Variants in SUSD1 observed in about 807,000 individuals in gnomAD.
The protein encoded by SUSD1 is sushi domain containing 1.
SUSD1 carries 65 observed loss-of-function variants against 86.9 expected under a neutral mutation model. The ratio of observed to expected loss-of-function variants is 0.75; its 90% CI spans 0.61 to 0.92. The LOEUF (loss-of-function observed/expected upper bound fraction) is 0.92. Ranked by LOEUF, SUSD1 falls within the 40% of genes least tolerant of loss-of-function variation. The pLI, the probability that SUSD1 is intolerant of heterozygous loss-of-function variation, is 0.00. For synonymous variants in SUSD1, 346 were observed against 350.0 expected (o/e 0.99, Z 0.13); for missense variants, 850 against 929.7 (o/e 0.91, Z 1.11).
chr9:112,096,922 C>A (rs2131602452), intron 10 of SUSD1, among the ~76,000 whole-genome samples: 1 of 152,242 alleles, frequency 6.6e-6, no homozygotes, highest in Non-Finnish European at 1.5e-5. Context: ...TACTATGCAG[C>A]TGAAAATGTG....
At position 112,097,347 on chromosome 9, in the gene SUSD1, G is replaced by C. The variant is rs1830439297; in HGVS notation, c.1474+1123C>G. On this transcript the variant is annotated intron_variant, in intron 10 of 16. Transcript: ENST00000374270. ...CTCAAAAAAAAAAAATTAATTTTCA[G>C]CCTCAGGTGCTACGTGGCTCTCATG... Among the ~76,000 whole-genome samples the C allele has an allele frequency of 4.0e-5, 6 of 149,778 alleles. No homozygotes were observed. The South Asian group carries it at 1.3e-3, about 31-fold the overall frequency.
chr9:112,104,055 T>C (rs1438417351), intron 8 of SUSD1, among the ~76,000 whole-genome samples: 1 of 152,030 alleles, frequency 6.6e-6, no homozygotes, highest in Non-Finnish European at 1.5e-5. Flanking sequence ...CTCTCTCTTT[T>C]TTTAAACAGG....
intron 10 of SUSD1, among the ~76,000 whole-genome samples, chr9:112,089,309 A>T (rs1564284501): frequency 6.6e-6 from 1 of 152,242 alleles, no homozygotes; most frequent in South Asian, 2.1e-4. Flanking sequence ...AACACAATAC[A>T]TATAGCAGTT....
rs1260513411 is a variant in SUSD1, at chr9:112,113,615, G to T, written c.887-747C>A. On this transcript the variant is annotated intron_variant, in intron 6 of 16. Coordinates refer to ENST00000374270, the MANE Select transcript of SUSD1 (RefSeq NM_022486.5). This position sits in a 1 kb window ranked among gnomAD's most constrained non-coding sequence, Gnocchi z 4.1. ...TGTGCAGACAGGAAGAACGAAAGGG[G>T]ATCTAGCTTTTTATTTCTTTGAAAT... is the stretch of plus-strand genomic sequence containing the variant. Among the ~76,000 whole-genome samples the T allele has an allele frequency of 1.3e-5, 2 of 152,170 alleles. No individual in the cohort carries two copies. Among genetic ancestry groups the T allele is most frequent in the African/African-American group, 4.8e-5 (2 of 41,442 alleles).
chr9:112,102,903 T>C (rs1199551438), intron 8 of SUSD1, among the ~76,000 whole-genome samples: 1 of 152,216 alleles, frequency 6.6e-6, no homozygotes, highest in African/African-American at 2.4e-5. Context: ...CAGAAAAAAG[T>C]CATTTCATAC....
At chr9:112,146,495 A>G (rs1430673105) in intron 3 of SUSD1, among the ~76,000 whole-genome samples, 1 of 152,200 alleles carries the variant, frequency 6.6e-6, no homozygotes, top group Non-Finnish European at 1.5e-5. Context: ...ATTTAGTTCC[A>G]GGCAGATTAG....
intron 12 of SUSD1, among the ~76,000 whole-genome samples, chr9:112,069,416 C>G (rs951026098): frequency 6.6e-6 from 1 of 151,516 alleles, no homozygotes; most frequent in Non-Finnish European, 1.5e-5. Flanking sequence ...GAGAGAGATT[C>G]TGTAGGATAC....
At chr9:112,087,293 T>TGCCTCA (rs531170515) in intron 10 of SUSD1, among the ~76,000 whole-genome samples, 1 of 152,304 alleles carries the variant, frequency 6.6e-6, no homozygotes, top group East Asian at 1.9e-4. Flanking sequence ...GTGACTCTTC[T>TGCCTCA]GCCTCAGCCT....
Position 112,111,811 on chromosome 9 carries a change from A to C in SUSD1, c.1014T>G (p.Pro338=), listed in dbSNP as rs1259107193. The change falls in exon 8 of 17, where the codon CCT becomes CCG. Residue 338 remains proline (P), a synonymous_variant. Coordinates refer to ENST00000374270, the MANE Select transcript of SUSD1 (RefSeq NM_022486.5). The stretch of plus-strand genomic sequence containing the variant: ...CTGTCTCCTCACGAACTGATTCCAT[A>C]GGGTCCAACCGTTGTCCTTTTATGG... ...VISIKGQRLD[P]MESVREETVN... The C allele has an allele frequency of 1.9e-6, 3 of 1,614,118 alleles. No homozygotes were observed. The highest frequency in any genetic ancestry group is 2.5e-6 in the Non-Finnish European group (3 of 1,180,004).
intron 12 of SUSD1, among the ~76,000 whole-genome samples, chr9:112,072,850 T>C (rs1267811804): frequency 3.3e-5 from 5 of 152,220 alleles, no homozygotes; most frequent in Non-Finnish European, 7.3e-5. Context: ...GGAAAACAGC[T>C]GGCATGAAGG....
intron 1 of SUSD1, among the ~76,000 whole-genome samples, chr9:112,173,006 T>A (rs1292696630): frequency 1.3e-5 from 2 of 152,230 alleles, no homozygotes; most frequent in African/African-American, 4.8e-5. Context: ...AAACCTTTAG[T>A]TACAGATGAC....
intron 10 of SUSD1, among the ~76,000 whole-genome samples, chr9:112,097,199 G>A (rs1372067170): frequency 4.0e-5 from 6 of 151,438 alleles, no homozygotes; most frequent in South Asian, 4.2e-4. Context: ...GGTGGTATGC[G>A]CCTGTAGTCC....
intron 6 of SUSD1, among the ~76,000 whole-genome samples, chr9:112,117,301 A>T (rs1197273987): frequency 6.6e-6 from 1 of 152,134 alleles, no homozygotes; most frequent in Non-Finnish European, 1.5e-5. Flanking sequence ...TTCTCCCCTC[A>T]TGGAGTGCCC....
At chr9:112,110,496 C>T (rs1262888052) in intron 8 of SUSD1, among the ~76,000 whole-genome samples, 1 of 143,176 alleles carries the variant, frequency 7.0e-6, no homozygotes, top group East Asian at 2.0e-4. Flanking sequence ...AAGTGATCCT[C>T]TCGCCTCAGC....
intron 2 of SUSD1, among the ~76,000 whole-genome samples, chr9:112,151,725 A>ACAAGGCCAACAAGGTGACC (rs1833054119): frequency 6.6e-6 from 1 of 151,722 alleles, no homozygotes; most frequent in Non-Finnish European, 1.5e-5. Context: ...AACAAGGTGA[A>ACAAGGCCAACAAGGTGACC]ACCCCGTCTC....
intron 10 of SUSD1, among the ~76,000 whole-genome samples, chr9:112,091,149 C>G (rs889694854): frequency 6.6e-6 from 1 of 152,078 alleles, no homozygotes; most frequent in East Asian, 1.9e-4. Flanking sequence ...TCTGGCTTGA[C>G]CAACTACAAG....
chr9:112,122,688 TAGC>T (rs1831602872), intron 6 of SUSD1, among the ~76,000 whole-genome samples: 1 of 152,172 alleles, frequency 6.6e-6, no homozygotes, highest in Admixed American at 6.5e-5. Flanking sequence ...ACACATTTCA[TAGC>T]AGCATTATTC....
At chr9:112,162,856 C>T (rs532284350) in intron 1 of SUSD1, among the ~76,000 whole-genome samples, 2 of 152,162 alleles carry the variant, frequency 1.3e-5, no homozygotes, top group African/African-American at 4.8e-5. Flanking sequence ...CCAACCAAAT[C>T]GCTGTGGCAT....
At chr9:112,068,719 ATT>A (rs199921249) in intron 12 of SUSD1, among the ~76,000 whole-genome samples, 2 of 105,150 alleles carry the variant, frequency 1.9e-5, no homozygotes, top group Non-Finnish European at 3.2e-5. Flanking sequence ...AAAAAAAAAT[ATT>A]TTTAGCCGTT....
Sources: gnomAD v4.1 joint callset for allele counts (sites outside exome capture counted in the v4.1 genomes callset) on GRCh38, gnomAD v4.1.1 for gene constraint, Gnocchi (gnomAD v3.1) non-coding constraint, MANE v1.5 for transcripts, NCBI Gene and HGNC (gene_info 2026-07-23, HGNC 2026-07-21) for gene names.